The following TSHR variants were observed in gnomAD, a reference collection of about 807,000 sequenced individuals.
TSHR encodes thyrotropin receptor.
Under a neutral mutation model 64.1 loss-of-function variants are expected in TSHR, and 51 were observed. The ratio of observed to expected loss-of-function variants is 0.80; its 90% CI spans 0.64 to 1.01. The LOEUF is 1.01. TSHR is among the 50% of genes least tolerant of loss of function. The pLI is 0.00. For synonymous variants in TSHR, 361 were observed against 361.9 expected (o/e 1.00, Z 0.03); for missense variants, 877 against 942.8 (o/e 0.93, Z 0.91).
At chr14:81,044,133 A>T (rs2139851687) in intron 1 of TSHR, among the ~76,000 whole-genome samples, 1 of 152,368 alleles carries the variant, frequency 6.6e-6, no homozygotes, top group East Asian at 1.9e-4. Flanking sequence ...AGAAACTATC[A>T]TCAGAGTGAA....
intron 3 of TSHR, among the ~76,000 whole-genome samples, chr14:81,077,383 G>A (rs1040703214): frequency 6.6e-6 from 1 of 152,182 alleles, no homozygotes; most frequent in African/African-American, 2.4e-5. Flanking sequence ...CTGATTGACA[G>A]AATGTTTAGT....
intron 1 of TSHR, chr14:80,994,435 A>C (rs1358150871): frequency 6.6e-6 from 1 of 152,144 alleles, no homozygotes; most frequent in African/African-American, 2.4e-5. Context: ...AATCCTAAGC[A>C]AAAAGAACAA....
At chr14:81,017,515 C>T (rs914051285) in intron 1 of TSHR, among the ~76,000 whole-genome samples, 11 of 152,142 alleles carry the variant, frequency 7.2e-5, no homozygotes, top group East Asian at 1.9e-4. Flanking sequence ...TTTCTCAAAA[C>T]GTGGCCCCAG....
In TSHR at chr14:81,142,909, C is replaced by T. The variant is rs759288270; in HGVS notation, c.882-31C>T. On this transcript the variant is annotated intron_variant, in intron 9 of 9. Transcript: ENST00000298171. Reference sequence around the variant, plus strand: ...ACAGTCATGAGCCACTGCGCCCAGCCTGGCACTGACTCTTTTCTGTTGCCT... The same window carrying T: ...ACAGTCATGAGCCACTGCGCCCAGCTTGGCACTGACTCTTTTCTGTTGCCT... 4 of 1,603,556 alleles carry T rather than the reference C, an allele frequency of 2.5e-6. No homozygotes were observed. The Admixed American group carries it at 6.7e-5, about 27-fold the overall frequency.
intron 1 of TSHR, among the ~76,000 whole-genome samples, chr14:80,957,516 C>G (rs1193624790): frequency 6.6e-6 from 1 of 151,958 alleles, no homozygotes; most frequent in African/African-American, 2.4e-5. Context: ...TATGCCAGGT[C>G]TCTGAATGTC....
intron 3 of TSHR, among the ~76,000 whole-genome samples, chr14:81,086,708 A>C (rs1888309166): frequency 6.6e-6 from 1 of 152,166 alleles, no homozygotes; most frequent in Admixed American, 6.5e-5. Context: ...CAGAGCCAAG[A>C]CTCTATTTCG....
chr14:81,143,230 G>A lies in TSHR; in HGVS notation c.1172G>A (p.Gly391Glu). Residue 391 changes from glycine (G) to glutamate (E), a missense_variant, in exon 10 of 10, where the codon GGG becomes GAG. Physicochemically the swap from Gly to Glu is moderately conservative, Grantham distance 98. Transcript: ENST00000298171. ...AGCCATTATGACTACACCATATGTG[G>A]GGACAGTGAAGACATGGTGTGTACC... is the stretch of plus-strand genomic sequence containing the variant. ...FDSHYDYTIC[G>E]DSEDMVCTPK... is the part of the protein sequence containing the mutation. 4 of 1,614,168 alleles carry A rather than the reference G, an allele frequency of 2.5e-6. No individual in the cohort carries two copies. The highest frequency in any genetic ancestry group is 3.4e-6 in the Non-Finnish European group (4 of 1,180,034).
intron 1 of TSHR, among the ~76,000 whole-genome samples, chr14:81,022,106 C>CAAAAA (rs10631450): frequency 8.7e-6 from 1 of 115,570 alleles, no homozygotes. Flanking sequence ...ACTAAAAATA[C>CAAAAA]AAAAAAAAAA....
chr14:80,966,839 C>T (rs931320843), intron 1 of TSHR, among the ~76,000 whole-genome samples: 2 of 152,146 alleles, frequency 1.3e-5, no homozygotes, highest in African/African-American at 4.8e-5. Context: ...GATCTGTTGT[C>T]TTGTGAGGGC....
rs186746022 is a variant in TSHR at position 81,035,272 on chromosome 14, G to C, written c.171-26876G>C. On this transcript the variant is annotated intron_variant, in intron 1 of 9. Coordinates refer to ENST00000298171, the MANE Select transcript of TSHR (RefSeq NM_000369.5). ...GAAGTGTTGTGTAAACTGCAGAAAG[G>C]TTCCAATGCTAGAAAATTCTCTCAT... 2.2e-3 allele frequency among the ~76,000 whole-genome samples: 331 copies of C among 152,270 alleles called. 2 individuals are homozygous for C. The highest frequency in any genetic ancestry group is 6.7e-3 in the African/African-American group (278 of 41,552).
At chr14:80,982,314 C>T (rs1047168900) in intron 1 of TSHR, 33 of 1,084,628 alleles carry the variant, frequency 3.0e-5, no homozygotes, top group African/African-American at 1.6e-5. Context: ...GTATTGATGC[C>T]TGGGTCTGGG....
intron 1 of TSHR, among the ~76,000 whole-genome samples, chr14:81,048,318 T>C (rs907053229): frequency 6.6e-6 from 1 of 152,166 alleles, no homozygotes; most frequent in African/African-American, 2.4e-5. Context: ...GTTATAATGT[T>C]GATGAAAAAA....
intron 1 of TSHR, among the ~76,000 whole-genome samples, chr14:81,022,683 T>C (rs1183546450): frequency 6.6e-6 from 1 of 151,974 alleles, no homozygotes; most frequent in African/African-American, 2.4e-5. Flanking sequence ...TAGCCGGGCA[T>C]GGTGGCACAT....
At chr14:81,020,357 A>T (rs981015948) in intron 1 of TSHR, among the ~76,000 whole-genome samples, 1 of 152,208 alleles carries the variant, frequency 6.6e-6, no homozygotes, top group African/African-American at 2.4e-5. Flanking sequence ...AGTGAGTGGC[A>T]GGTGAGTGAG....
At chr14:81,019,621 C>G (rs973604354) in intron 1 of TSHR, among the ~76,000 whole-genome samples, 2 of 151,850 alleles carry the variant, frequency 1.3e-5, no homozygotes, top group Non-Finnish European at 1.5e-5. Flanking sequence ...CCTCCCACCC[C>G]CCAACAGGCC....
intron 1 of TSHR, among the ~76,000 whole-genome samples, chr14:80,965,948 T>C (rs954570864): frequency 3.3e-5 from 5 of 152,196 alleles, no homozygotes; most frequent in African/African-American, 1.2e-4. Flanking sequence ...ATTCAAATAT[T>C]TCATCATCCT....
chr14:81,104,731 G>A, intron 7 of TSHR: 1 of 980,318 alleles, frequency 1.0e-6, no homozygotes, highest in East Asian at 1.1e-4. Context: ...TTTCCTGACT[G>A]CATTGGTCTT....
At chr14:80,981,122 A>G (rs1888146203) in intron 1 of TSHR, among the ~76,000 whole-genome samples, 1 of 152,064 alleles carries the variant, frequency 6.6e-6, no homozygotes. Context: ...ATAATTTAGG[A>G]TTATAAACTC....
intron 3 of TSHR, among the ~76,000 whole-genome samples, chr14:81,077,434 C>T (rs182494333): frequency 8.2e-4 from 125 of 152,268 alleles, no homozygotes; most frequent in African/African-American, 2.7e-3. Flanking sequence ...ATATGTTTAG[C>T]CAACCTTAAT....
Sources: gnomAD v4.1 joint callset for allele counts (sites outside exome capture counted in the v4.1 genomes callset) on GRCh38, gnomAD v4.1.1 for gene constraint, MANE v1.5 for transcripts, NCBI Gene and HGNC (gene_info 2026-07-23, HGNC 2026-07-21) for gene names.